The following CFAP52 variants were observed in gnomAD, a reference collection of about 807,000 sequenced individuals.
CFAP52 encodes cilia- and flagella-associated protein 52.
CFAP52 carries 57 observed loss-of-function variants against 70.5 expected under a neutral mutation model. The observed-to-expected ratio is 0.81, with a 90% CI of 0.65 to 1.01. The LOEUF (loss-of-function observed/expected upper bound fraction) is 1.01, where lower values mean the gene tolerates loss of function less well. Ranked by LOEUF, CFAP52 falls within the 50% of genes least tolerant of loss-of-function variation. The probability of loss-of-function intolerance (pLI) is 0.00; values close to 1 mark genes in which losing one functional copy is unlikely to be tolerated. For synonymous variants in CFAP52, 267 were observed against 292.5 expected (o/e 0.91, Z 0.89); for missense variants, 785 against 788.5 (o/e 1.00, Z 0.05).
chr17:9,585,730 C>T (rs1272973030), intron 1 of CFAP52, 43 bp from the exon 2 acceptor site: 3 of 1,601,322 alleles, frequency 1.9e-6, no homozygotes, highest in South Asian at 1.1e-5. Context: ...TTCCTGGCCA[C>T]TTCTGCACCT....
At chr17:9,622,568 A>G (rs1910083626) in intron 8 of CFAP52, among the ~76,000 whole-genome samples, 1 of 151,836 alleles carries the variant, frequency 6.6e-6, no homozygotes, top group Non-Finnish European at 1.5e-5. Flanking sequence ...GAAGAAGAAG[A>G]AGAAGATGAT....
chr17:9,585,259 C>G (rs1908400367), intron 1 of CFAP52, among the ~76,000 whole-genome samples: 1 of 152,146 alleles, frequency 6.6e-6, no homozygotes, highest in Admixed American at 6.6e-5. Flanking sequence ...TTAACAGGAT[C>G]CCTCAGGGAT....
intron 4 of CFAP52, among the ~76,000 whole-genome samples, chr17:9,596,330 A>T (rs1260049647): frequency 6.6e-6 from 1 of 151,530 alleles, no homozygotes; most frequent in African/African-American, 2.4e-5. Context: ...TGAACTCCTG[A>T]GCTCAGGCAA....
chr17:9,601,554 T>C (rs1169325413), intron 6 of CFAP52, among the ~76,000 whole-genome samples: 2 of 152,200 alleles, frequency 1.3e-5, no homozygotes, highest in Admixed American at 6.5e-5. Flanking sequence ...TATAAAACTA[T>C]ATATATAATT....
At chr17:9,616,774 C>T (rs1179850393) in intron 8 of CFAP52, among the ~76,000 whole-genome samples, 136 of 121,146 alleles carry the variant, frequency 1.1e-3, no homozygotes, top group African/African-American at 4.5e-3. Context: ...TCCAACAGAC[C>T]TGCAGCTGAG....
At chr17:9,582,163 A>T (rs527717707) in intron 1 of CFAP52, among the ~76,000 whole-genome samples, 8 of 152,342 alleles carry the variant, frequency 5.3e-5, no homozygotes, top group African/African-American at 1.9e-4. Flanking sequence ...GGCAGGTTGC[A>T]CACCTAAGAA....
chr17:9,580,099 C>A, intron 1 of CFAP52, among the ~76,000 whole-genome samples: 1 of 152,106 alleles, frequency 6.6e-6, no homozygotes, highest in Admixed American at 6.5e-5. Flanking sequence ...CTAAAAACAG[C>A]AACAACAACA....
intron 6 of CFAP52, among the ~76,000 whole-genome samples, chr17:9,607,501 A>C (rs1048860404): frequency 6.6e-6 from 1 of 152,224 alleles, no homozygotes; most frequent in African/African-American, 2.4e-5. Context: ...CCAACCTTTG[A>C]AGAGCACTTT....
intron 12 of CFAP52, among the ~76,000 whole-genome samples, chr17:9,641,044 A>T (rs1175115546): frequency 6.6e-6 from 1 of 152,214 alleles, no homozygotes; most frequent in Non-Finnish European, 1.5e-5. Flanking sequence ...CCTAAGAAGG[A>T]AATTTAAATC....
intron 1 of CFAP52, among the ~76,000 whole-genome samples, chr17:9,584,576 T>G (rs1414998851): frequency 1.4e-5 from 2 of 139,352 alleles, no homozygotes; most frequent in Non-Finnish European, 3.1e-5. Flanking sequence ...TGAAAACACT[T>G]AAGATCAACT....
At position 9,576,691 on chromosome 17, in the gene CFAP52, C is replaced by T; in HGVS notation, c.-5C>T. 6.2e-7 allele frequency: 1 copy of T among 1,611,650 alleles called. No individual in the cohort carries two copies. The highest frequency in any genetic ancestry group is 8.5e-7 in the Non-Finnish European group (1 of 1,178,834). ...GGAGAGCAAAGTAATCAGAACCTCC[C>T]AAGGATGGATAACAAAATTTCGCCG... On this transcript the variant is annotated 5_prime_UTR_variant, in exon 1 of 14. Coordinates refer to ENST00000352665, the MANE Select transcript of CFAP52 (RefSeq NM_145054.5).
chr17:9,587,315 T>G (rs1908542211), intron 3 of CFAP52, among the ~76,000 whole-genome samples: 1 of 152,230 alleles, frequency 6.6e-6, no homozygotes, highest in African/African-American at 2.4e-5. Context: ...TTGTGAATAG[T>G]GCTGTGATGC....
At chr17:9,606,260 A>G (rs1909484783) in intron 6 of CFAP52, among the ~76,000 whole-genome samples, 2 of 151,754 alleles carry the variant, frequency 1.3e-5, no homozygotes, top group African/African-American at 2.4e-5. Flanking sequence ...GCATGCATCT[A>G]TAGTCCTGGC....
chr17:9,586,424 G>A (rs962906422), intron 2 of CFAP52, among the ~76,000 whole-genome samples: 6 of 152,182 alleles, frequency 3.9e-5, no homozygotes, highest in South Asian at 2.1e-4. Context: ...TTAGCAGGGC[G>A]TGCTGGTGCA....
At chr17:9,584,441 A>G in intron 1 of CFAP52, 2 of 1,150,972 alleles carry the variant, frequency 1.7e-6, no homozygotes, top group South Asian at 1.5e-5. Flanking sequence ...CATACTTGAC[A>G]TATTAAGGTT....
chr17:9,589,829 G>T (rs1286516284), intron 3 of CFAP52: 1 of 74,892 alleles, frequency 1.3e-5, no homozygotes, highest in East Asian at 4.6e-4. Flanking sequence ...AGCAGAAAAA[G>T]CCTTGTTTTA....
At chr17:9,627,377 G>A (rs1474771752) in intron 8 of CFAP52, among the ~76,000 whole-genome samples, 1 of 152,226 alleles carries the variant, frequency 6.6e-6, no homozygotes, top group East Asian at 1.9e-4. Context: ...CAGACATGGT[G>A]GCACATGCCT....
intron 4 of CFAP52, among the ~76,000 whole-genome samples, chr17:9,596,917 C>T (rs1379682992): frequency 1.3e-5 from 2 of 152,024 alleles, no homozygotes; most frequent in Non-Finnish European, 2.9e-5. Flanking sequence ...GGGTTTTCAC[C>T]ATGTTGGCCA....
intron 4 of CFAP52, among the ~76,000 whole-genome samples, chr17:9,597,847 GAGAAAGAGAGAGAGAA>G (rs1221917790): frequency 6.6e-6 from 1 of 151,094 alleles, no homozygotes; most frequent in African/African-American, 2.4e-5. Context: ...GAAAGAGAGA[GAGAAAGAGAGAGAGAA>G]AGAAAGAAAG....
Sources: gnomAD v4.1 joint callset for allele counts (sites outside exome capture counted in the v4.1 genomes callset) on GRCh38, gnomAD v4.1.1 for gene constraint, MANE v1.5 for transcripts, NCBI Gene and HGNC (gene_info 2026-07-23, HGNC 2026-07-21) for gene names.